The following TRIM14 variants were observed in gnomAD, a reference collection of about 807,000 sequenced individuals.
The protein encoded by TRIM14 is tripartite motif containing 14.
A neutral mutation model predicts 44.5 loss-of-function variants in TRIM14; 28 were observed. That is an observed-to-expected ratio of 0.63 (90% CI 0.47 to 0.86). TRIM14 has a LOEUF of 0.86. Among genes scored for constraint, TRIM14 ranks in the 40% least tolerant of loss-of-function variants. The probability of loss-of-function intolerance (pLI) is 0.00; values close to 1 mark genes in which losing one functional copy is unlikely to be tolerated. For synonymous variants in TRIM14, 299 were observed against 269.2 expected (o/e 1.11, Z -1.08); for missense variants, 607 against 611.1 (o/e 0.99, Z 0.07).
intron 5 of TRIM14, among the ~76,000 whole-genome samples, chr9:98,089,244 T>C (rs1825914346): frequency 6.6e-6 from 1 of 152,082 alleles, no homozygotes; most frequent in African/African-American, 2.4e-5. Flanking sequence ...TGGTGTGATC[T>C]CGACTCACTG....
At chr9:98,093,085 C>T (rs560049273) in intron 4 of TRIM14, among the ~76,000 whole-genome samples, 1 of 152,174 alleles carries the variant, frequency 6.6e-6, no homozygotes, top group Non-Finnish European at 1.5e-5. Context: ...CTAACAGGTT[C>T]ACTTCATTCC....
chr9:98,074,364 T>G (rs1019429694), intron 6 of TRIM14, among the ~76,000 whole-genome samples: 4 of 151,936 alleles, frequency 2.6e-5, no homozygotes, highest in Admixed American at 2.6e-4. Flanking sequence ...GAACCCCAGA[T>G]AGAGGGAACC....
chr9:98,076,948 G>A lies in TRIM14; in HGVS notation c.*29-7261C>T, dbSNP rs368710313. On this transcript the variant is annotated intron_variant, in intron 6 of 6. Transcript: ENST00000375098. Reference sequence around the variant, plus strand: ...AGTTGAATTCCTGCATGAACTGAATGTTCCATTTTTCAAAGTTGGATCTGG... The same window carrying A: ...AGTTGAATTCCTGCATGAACTGAATATTCCATTTTTCAAAGTTGGATCTGG... The A allele has an allele frequency of 2.2e-5, 35 of 1,612,126 alleles. No homozygotes were observed. In the African/African-American group the frequency reaches 4.1e-4, roughly 19 times the overall value.
chr9:98,084,479 A>G lies in TRIM14; in HGVS notation c.*2991T>C, dbSNP rs983814235. 6.6e-6 allele frequency: 1 copy of G among 152,224 alleles called. No homozygotes were observed. The highest frequency in any genetic ancestry group is 1.5e-5 in the Non-Finnish European group (1 of 68,040). 9.4% of individuals were successfully genotyped at this position (152,224 alleles called of 1,614,324 possible). A position where few individuals can be genotyped will look rare whatever the true frequency, so the allele number is the denominator to read the frequency against. ...TACAGATTCAAGTCTGAAAGAGAAG[A>G]AGGTAAGTGATCAGTAACCCTTACA... On this transcript the variant is annotated 3_prime_UTR_variant, in exon 6 of 6. Transcript: ENST00000341469.
intron 1 of TRIM14, among the ~76,000 whole-genome samples, chr9:98,114,495 G>A (rs574122291): frequency 6.6e-6 from 1 of 152,106 alleles, no homozygotes; most frequent in South Asian, 2.1e-4. Flanking sequence ...CACCACGCCT[G>A]GCTAATTTTT....
Position 98,087,164 on chromosome 9 carries a change from T to C in TRIM14, c.*306A>G. 3.0e-6 allele frequency: 2 copies of C among 658,032 alleles called. No homozygotes were observed. Among genetic ancestry groups the C allele is most frequent in the Non-Finnish European group, 5.8e-6 (2 of 344,858 alleles). 40.8% of individuals were successfully genotyped at this position (658,032 alleles called of 1,614,324 possible). ...CAGGCTGCGGATGATGTATTCAGGA[T>C]GCTGAGGGCTTACCTGTGGGGGTAT... On this transcript the variant is annotated 3_prime_UTR_variant, in exon 6 of 6. Coordinates refer to ENST00000341469, the MANE Select transcript of TRIM14 (RefSeq NM_014788.4).
chr9:98,042,291 TG>T, the TRIM14 span, among the ~76,000 whole-genome samples: 7 of 67,646 alleles, frequency 1.0e-4, no homozygotes, highest in African/African-American at 3.0e-4. Context: ...AGACTCTGTC[TG>T]GAAAAAAAAA....
chr9:98,113,269 A>C (rs893623719), intron 1 of TRIM14, among the ~76,000 whole-genome samples: 3 of 152,148 alleles, frequency 2.0e-5, no homozygotes, highest in African/African-American at 7.2e-5. Context: ...TCTTTAATAG[A>C]AAATGGTGAG....
At chr9:98,073,226 C>T (rs1829422553) in intron 6 of TRIM14, among the ~76,000 whole-genome samples, 1 of 146,488 alleles carries the variant, frequency 6.8e-6, no homozygotes, top group Admixed American at 6.8e-5. Flanking sequence ...TTTGTGGCTA[C>T]ACCCTTCCCC....
At position 98,119,221 on chromosome 9, in the gene TRIM14, A is replaced by C; in HGVS notation, c.-33T>G. 1.9e-6 allele frequency: 3 copies of C among 1,551,940 alleles called. No homozygotes were observed. The highest frequency in any genetic ancestry group is 2.6e-6 in the Non-Finnish European group (3 of 1,160,100). Reference sequence around the variant, plus strand: ...CACCTCCTCCGGCTCCCCGGGACACAGGGCGGGGCTCCCAAGGGAAACCGA... The same window carrying C: ...CACCTCCTCCGGCTCCCCGGGACACCGGGCGGGGCTCCCAAGGGAAACCGA... On this transcript the variant is annotated 5_prime_UTR_variant, in exon 1 of 6. Coordinates refer to ENST00000341469, the MANE Select transcript of TRIM14 (RefSeq NM_014788.4).
At chr9:98,114,477 G>A (rs1348964498) in intron 1 of TRIM14, among the ~76,000 whole-genome samples, 2 of 152,098 alleles carry the variant, frequency 1.3e-5, no homozygotes, top group East Asian at 1.9e-4. Context: ...GGGACTACAG[G>A]TGCCCGCCAC....
chr9:98,062,210 T>TA, the TRIM14 span, among the ~76,000 whole-genome samples: 11,348 of 133,612 alleles, frequency 0.085, 526 homozygotes, highest in Admixed American at 0.15. Context: ...TGTCTCTTAA[T>TA]AAAAAAAAAA....
chr9:98,104,450 T>C (rs186940676), intron 2 of TRIM14, among the ~76,000 whole-genome samples: 1 of 152,050 alleles, frequency 6.6e-6, no homozygotes, highest in East Asian at 1.9e-4. Flanking sequence ...TGGCAACCAG[T>C]ATGGAAAACA....
intron 2 of TRIM14, 42 bp from the exon 3 acceptor site, chr9:98,100,206 CCAG>C: frequency 6.5e-7 from 1 of 1,533,946 alleles, no homozygotes; most frequent in Non-Finnish European, 9.0e-7. Context: ...TGTCTGCCAA[CCAG>C]GAAATCCAGA....
Position 98,084,852 on chromosome 9 carries a change from A to G in TRIM14, c.*2618T>C, listed in dbSNP as rs1342540789. ...GCCCAGCTAATTTTTGTATAGGACT[A>G]TAGTTTTAAGGCAAGTTTATAACCT... On this transcript the variant is annotated 3_prime_UTR_variant, in exon 6 of 6. Coordinates refer to ENST00000341469, the MANE Select transcript of TRIM14 (RefSeq NM_014788.4). The G allele has an allele frequency of 6.6e-6, 1 of 152,028 alleles. No homozygotes were observed. The highest frequency in any genetic ancestry group is 1.5e-5 in the Non-Finnish European group (1 of 67,996). 9.4% of individuals were successfully genotyped at this position (152,028 alleles called of 1,614,324 possible).
chr9:98,056,776 T>A, the TRIM14 span: 9 of 1,602,210 alleles, frequency 5.6e-6, no homozygotes, highest in Non-Finnish European at 7.7e-6. Flanking sequence ...GGACCCAGAC[T>A]GGTAGTGAGG....
At chr9:98,077,401 G>T (rs945169867) in intron 6 of TRIM14, among the ~76,000 whole-genome samples, 91 of 151,030 alleles carry the variant, frequency 6.0e-4, no homozygotes, top group African/African-American at 2.2e-3. Context: ...ATAGAGACAA[G>T]GTCTGTCTAT....
At chr9:98,039,005 G>A in the TRIM14 span, among the ~76,000 whole-genome samples, 11 of 151,774 alleles carry the variant, frequency 7.2e-5, no homozygotes, top group African/African-American at 2.2e-4. Context: ...AGCCGAGGTC[G>A]CGCCACTGCA....
At chr9:98,060,170 T>C in the TRIM14 span, among the ~76,000 whole-genome samples, 2 of 152,018 alleles carry the variant, frequency 1.3e-5, no homozygotes, top group African/African-American at 2.4e-5. Flanking sequence ...CTTCCTTAAC[T>C]CTTTGATCCA....
Sources: gnomAD v4.1 joint callset for allele counts (sites outside exome capture counted in the v4.1 genomes callset) on GRCh38, gnomAD v4.1.1 for gene constraint, MANE v1.5 for transcripts, NCBI Gene and HGNC (gene_info 2026-07-23, HGNC 2026-07-21) for gene names.